CASP6: variants seen among roughly 807,000 people sequenced by gnomAD.
The protein encoded by CASP6 is caspase 6.
CASP6 carries 20 observed loss-of-function variants against 31.8 expected under a neutral mutation model. That is an observed-to-expected ratio of 0.63 (90% CI 0.44 to 0.91). The LOEUF (loss-of-function observed/expected upper bound fraction) is 0.91. Among genes scored for constraint, CASP6 ranks in the 40% least tolerant of loss-of-function variants. The pLI is 0.00. For missense variants in CASP6, 328 were observed against 361.1 expected (o/e 0.91, Z 0.74); for synonymous variants, 130 against 127.8 (o/e 1.02, Z -0.12).
intron 5 of CASP6, 148 bp from the exon 6 acceptor site, chr4:109,691,157 A>G: frequency 1.3e-6 from 1 of 777,662 alleles, no homozygotes; most frequent in East Asian, 3.2e-5. Context: ...TCAGGTTTGG[A>G]GGGCACAAAA....
chr4:109,708,602 T>C, the CASP6 span, among the ~76,000 whole-genome samples: 1 of 152,172 alleles, frequency 6.6e-6, no homozygotes, highest in Non-Finnish European at 1.5e-5. Flanking sequence ...GGTCTCTGAG[T>C]CCTGAAAACA....
Position 109,689,475 on chromosome 4 carries a change from G to GT in CASP6, c.736dup (p.Thr246AsnfsTer39). 1 of 1,614,164 alleles carries GT rather than the reference G, an allele frequency of 6.2e-7. No homozygotes were observed. Among genetic ancestry groups the GT allele is most frequent in the African/African-American group, 1.3e-5 (1 of 75,026 alleles). On this transcript the variant is annotated frameshift_variant, in exon 7 of 7. Transcript: ENST00000265164. LOFTEE classifies it high-confidence loss of function. ...CCTGTTCACCAGTGTGAGGAGTTCTGTGAACTCTAAGGAGGAGCCATATTT... is the reference window on the plus strand; with the variant it reads ...CCTGTTCACCAGTGTGAGGAGTTCTGTTGAACTCTAAGGAGGAGCCATATTT...
chr4:109,706,129 TTTTATA>T (rs1250910506), upstream of CASP6, among the ~76,000 whole-genome samples: 7,637 of 55,852 alleles, frequency 0.14, 668 homozygotes, highest in Non-Finnish European at 0.17. Context: ...TACCTATCCA[TTTTATA>T]TATATATATA....
the CASP6 span, among the ~76,000 whole-genome samples, chr4:109,679,688 T>A: frequency 1.0e-3 from 156 of 152,270 alleles, 1 homozygote; most frequent in African/African-American, 3.6e-3. Context: ...GTCTGTGGTA[T>A]CGTGTTATAG....
In CASP6 at chr4:109,697,715, A is replaced by G. The variant is rs1730290356; in HGVS notation, c.137T>C (p.Ile46Thr). 6.2e-7 allele frequency: 1 copy of G among 1,613,818 alleles called. No homozygotes were observed. ...CCTCTCATGATTGAAGATTAAAGCA[A>G]TTCCTCTCCTCCTGTGGTCCATTTT... ...KYKMDHRRRG[I>T]ALIFNHERFF... The change falls in exon 3 of 7, where the codon ATT becomes ACT. Residue 46 changes from isoleucine (I) to threonine (T), a missense_variant. Coordinates refer to ENST00000265164, the MANE Select transcript of CASP6 (RefSeq NM_001226.4).
At chr4:109,671,634 C>T in the CASP6 span, among the ~76,000 whole-genome samples, 1 of 152,180 alleles carries the variant, frequency 6.6e-6, no homozygotes, top group African/African-American at 2.4e-5. Flanking sequence ...GCATATTGTG[C>T]ACTTTTTCCA....
At chr4:109,694,113 A>G (rs1435598579) in intron 5 of CASP6, among the ~76,000 whole-genome samples, 1 of 152,222 alleles carries the variant, frequency 6.6e-6, no homozygotes, top group East Asian at 1.9e-4. Context: ...GGGATGAGAC[A>G]GGATAAGACT....
At chr4:109,687,105 G>A (rs12513113), downstream of CASP6, among the ~76,000 whole-genome samples, 35,894 of 151,562 alleles carry the variant, frequency 0.24, 4,952 homozygotes, top group South Asian at 0.37. Context: ...TTTATATCCC[G>A]TCACTTTGGG....
At chr4:109,679,606 A>C in the CASP6 span, among the ~76,000 whole-genome samples, 11 of 152,168 alleles carry the variant, frequency 7.2e-5, no homozygotes, top group African/African-American at 2.7e-4. Context: ...TCGGCAAGAG[A>C]GGGAGACTGG....
the CASP6 span, among the ~76,000 whole-genome samples, chr4:109,671,576 GTTCT>G: frequency 6.6e-6 from 1 of 152,022 alleles, no homozygotes; most frequent in African/African-American, 2.4e-5. Context: ...ATTCCTTTTG[GTTCT>G]TTCTAAGTTT....
chr4:109,696,284 G>A (rs1410533412), intron 4 of CASP6, 126 bp downstream of exon 4: 14 of 642,062 alleles, frequency 2.2e-5, no homozygotes, highest in Non-Finnish European at 3.1e-5. Context: ...CCCAAAACCT[G>A]TAACCTGTGC....
the CASP6 span, among the ~76,000 whole-genome samples, chr4:109,668,677 T>A: frequency 6.6e-6 from 1 of 152,016 alleles, no homozygotes; most frequent in Non-Finnish European, 1.5e-5. Context: ...TATTTGCTAC[T>A]GTTTTCTATT....
chr4:109,687,611 C>A (rs549084835), downstream of CASP6: 2 of 1,532,838 alleles, frequency 1.3e-6, no homozygotes, highest in Non-Finnish European at 1.8e-6. Flanking sequence ...TTTTAAATGT[C>A]GTCAGATTTT....
the CASP6 span, among the ~76,000 whole-genome samples, chr4:109,674,437 T>A: frequency 6.6e-6 from 1 of 152,220 alleles, no homozygotes; most frequent in Non-Finnish European, 1.5e-5. Context: ...AACAGGCCAA[T>A]CCTGAAGGTA....
chr4:109,705,410 G>A (rs1005333447), upstream of CASP6, among the ~76,000 whole-genome samples: 2 of 152,224 alleles, frequency 1.3e-5, no homozygotes, highest in East Asian at 1.9e-4. Flanking sequence ...GACTGATGCT[G>A]TTATCGTGCT....
At chr4:109,694,935 C>T (rs756683976) in intron 4 of CASP6, among the ~76,000 whole-genome samples, 3 of 152,088 alleles carry the variant, frequency 2.0e-5, no homozygotes, top group Non-Finnish European at 2.9e-5. Context: ...CGGGTTCAAG[C>T]GATTCTCCTG....
At chr4:109,702,471 G>T (rs1330522127) in intron 1 of CASP6, among the ~76,000 whole-genome samples, 2 of 151,908 alleles carry the variant, frequency 1.3e-5, no homozygotes, top group Non-Finnish European at 2.9e-5. Context: ...CTTGCGCCCA[G>T]GCCTGGCTAA....
At chr4:109,668,785 C>A in the CASP6 span, among the ~76,000 whole-genome samples, 6 of 151,474 alleles carry the variant, frequency 4.0e-5, 1 homozygote, top group Admixed American at 6.6e-5. Context: ...ATTTTCTCTC[C>A]TTTTCCAGCA....
the CASP6 span, among the ~76,000 whole-genome samples, chr4:109,674,829 T>A: frequency 6.6e-6 from 1 of 152,276 alleles, no homozygotes. Context: ...TAAGCACTCA[T>A]GCAAAGGTAA....
Sources: allele counts gnomAD v4.1 joint callset (sites outside exome capture counted in the v4.1 genomes callset), GRCh38; gene constraint gnomAD v4.1.1; transcripts MANE v1.5; gene names NCBI Gene and HGNC (gene_info 2026-07-23, HGNC 2026-07-21).